The following ABL1 variants were observed in gnomAD, a reference collection of about 807,000 sequenced individuals.
The protein encoded by ABL1 is ABL proto-oncogene 1, non-receptor tyrosine kinase.
Under a neutral mutation model 94.7 loss-of-function variants are expected in ABL1, and 11 were observed. That is an observed-to-expected ratio of 0.12 (90% confidence interval 0.07 to 0.19). The LOEUF is 0.19. Among genes scored for constraint, ABL1 ranks in the 10% least tolerant of loss-of-function variants. The pLI, the probability that ABL1 is intolerant of heterozygous loss-of-function variation, is 1.00. For missense variants in ABL1, 1,082 were observed against 1,489.4 expected (o/e 0.73, Z 4.50); for synonymous variants, 656 against 622.4 (o/e 1.05, Z -0.80).
At chr9:130,714,654 T>C in intron 1 of ABL1, 2 of 730,432 alleles carry the variant, frequency 2.7e-6, no homozygotes, top group Middle Eastern at 2.5e-4. Context: ...CAAAATCTAT[T>C]TGAGTTGCTT....
chr9:130,763,683 C>T (rs946122018), intron 1 of ABL1, among the ~76,000 whole-genome samples: 4 of 152,302 alleles, frequency 2.6e-5, no homozygotes, highest in South Asian at 2.1e-4. Context: ...ATGCTTCTTG[C>T]GTGTCCTCAC....
chr9:130,829,583 A>G (rs1369981372), intron 1 of ABL1, among the ~76,000 whole-genome samples: 1 of 151,854 alleles, frequency 6.6e-6, no homozygotes, highest in Non-Finnish European at 1.5e-5. Flanking sequence ...AAAAAAAAAA[A>G]AAGTACAACT....
chr9:130,828,678 G>T (rs1243567182), intron 1 of ABL1, among the ~76,000 whole-genome samples: 1 of 152,058 alleles, frequency 6.6e-6, no homozygotes, highest in Non-Finnish European at 1.5e-5. Context: ...TTGCACTCCT[G>T]CCTGGGCAAG....
At chr9:130,735,039 T>C (rs1167985716) in intron 1 of ABL1, among the ~76,000 whole-genome samples, 2 of 152,136 alleles carry the variant, frequency 1.3e-5, no homozygotes, top group Non-Finnish European at 2.9e-5. Flanking sequence ...TTTTTTGTTG[T>C]GTTTTTTTGA....
chr9:130,870,421 A>T (rs932312712), intron 4 of ABL1, among the ~76,000 whole-genome samples: 2 of 152,108 alleles, frequency 1.3e-5, no homozygotes, highest in African/African-American at 4.8e-5. Flanking sequence ...AAAACAGAAA[A>T]ACCCCACTTG....
At chr9:130,855,954 C>A (rs958324226) in intron 3 of ABL1, among the ~76,000 whole-genome samples, 1 of 152,068 alleles carries the variant, frequency 6.6e-6, no homozygotes, top group African/African-American at 2.4e-5. Flanking sequence ...CTTGCCCTGT[C>A]ACCCAGGCTG....
Position 130,863,171 on chromosome 9 carries a change from C to T in ABL1, c.822+136C>T, listed in dbSNP as rs770700495. The T allele has an allele frequency of 6.0e-6, 6 of 996,458 alleles. No homozygotes were observed. The highest frequency in any genetic ancestry group is 3.5e-5 in the South Asian group (2 of 57,800). The allele number at this position is 996,458 out of a possible 1,614,324, so 61.7% of individuals were successfully genotyped here. A position where few individuals can be genotyped will look rare whatever the true frequency, so the allele number is the denominator to read the frequency against. ...ATTGGCGCCACGGAATTGACTTTTC[C>T]GTCTTATATCATTCCTGTGTCTTTG... On this transcript the variant is annotated intron_variant, in intron 4 of 10. Transcript: ENST00000318560. This position sits in a 1 kb window ranked among gnomAD's most constrained non-coding sequence, Gnocchi z 4.3.
chr9:130,809,413 A>AGTGTGT (rs776751811), intron 1 of ABL1, among the ~76,000 whole-genome samples: 2 of 112,612 alleles, frequency 1.8e-5, no homozygotes, highest in Admixed American at 2.0e-4. Context: ...AGAGAGAGAG[A>AGTGTGT]GAGAGTGTGT....
intron 1 of ABL1, among the ~76,000 whole-genome samples, chr9:130,762,536 C>T (rs1451735665): frequency 1.3e-5 from 2 of 152,070 alleles, no homozygotes; most frequent in Non-Finnish European, 2.9e-5. Flanking sequence ...TCCATCACTT[C>T]CTGTGGGCTT....
chr9:130,865,694 C>T (rs140094945), intron 4 of ABL1, among the ~76,000 whole-genome samples: 81 of 142,628 alleles, frequency 5.7e-4, no homozygotes, highest in African/African-American at 2.0e-3. Flanking sequence ...TGCAGTGAGC[C>T]GTAATCGTGC....
chr9:130,726,536 G>C (rs1360435805), intron 1 of ABL1, among the ~76,000 whole-genome samples: 1 of 152,062 alleles, frequency 6.6e-6, no homozygotes, highest in East Asian at 1.9e-4. Flanking sequence ...TAGTTTTGCT[G>C]AGGGTTTACC....
intron 1 of ABL1, among the ~76,000 whole-genome samples, chr9:130,731,242 G>T (rs2132694018): frequency 6.6e-6 from 1 of 151,306 alleles, no homozygotes; most frequent in Middle Eastern, 3.5e-3. Flanking sequence ...CCTAACCTCA[G>T]GTGATCCACC....
In ABL1 at chr9:130,721,949, A is replaced by G. The variant is rs535438399; in HGVS notation, c.136+7494A>G. 2.0e-5 allele frequency among the ~76,000 whole-genome samples: 3 copies of G among 150,944 alleles called. No homozygotes were observed. The South Asian group carries it at 6.3e-4, about 32-fold the overall frequency. On this transcript the variant is annotated intron_variant, in intron 1 of 10. Coordinates refer to the ABL1 transcript ENST00000372348. ...CGATTCTCTTTCCTGCCTCAGCCTA[A>G]TTTTTTGTATTTTTATTAGAGACGG...
chr9:130,851,522 G>A (rs890293479), intron 1 of ABL1, among the ~76,000 whole-genome samples: 1 of 151,720 alleles, frequency 6.6e-6, no homozygotes, highest in African/African-American at 2.4e-5. Context: ...GAAAGTTCTC[G>A]GTCATGTTTC....
intron 1 of ABL1, chr9:130,724,638 C>T (rs926565803): frequency 2.3e-5 from 6 of 255,504 alleles, no homozygotes; most frequent in African/African-American, 6.8e-5. Context: ...GGTGAAAACC[C>T]ATCTTTACTT....
intron 1 of ABL1, among the ~76,000 whole-genome samples, chr9:130,726,829 C>A (rs1400183676): frequency 6.6e-6 from 1 of 152,170 alleles, no homozygotes; most frequent in African/African-American, 2.4e-5. Flanking sequence ...AAATTTAGAT[C>A]GATTCCAAAC....
chr9:130,822,404 A>G (rs1403033787), intron 1 of ABL1, among the ~76,000 whole-genome samples: 1 of 138,524 alleles, frequency 7.2e-6, no homozygotes, highest in Admixed American at 7.2e-5. Context: ...CCTTGCCAAT[A>G]GTTGGTTTTG....
At chr9:130,865,349 A>G (rs1195630487) in intron 4 of ABL1, among the ~76,000 whole-genome samples, 1 of 152,194 alleles carries the variant, frequency 6.6e-6, no homozygotes, top group East Asian at 1.9e-4. Flanking sequence ...CTGCTAAATA[A>G]ATTAGCCCTC....
At chr9:130,833,067 AAG>A (rs1830512031), upstream of ABL1, among the ~76,000 whole-genome samples, 2 of 126,404 alleles carry the variant, frequency 1.6e-5, no homozygotes, top group Non-Finnish European at 3.7e-5. Context: ...TTTTAGACTC[AAG>A]AGCAGAATAT....
Sources: allele counts gnomAD v4.1 joint callset (sites outside exome capture counted in the v4.1 genomes callset), GRCh38; gene constraint gnomAD v4.1.1; non-coding constraint Gnocchi (gnomAD v3.1); transcripts MANE v1.5; gene names NCBI Gene and HGNC (gene_info 2026-07-23, HGNC 2026-07-21).